Variants in SPATA33 observed in about 807,000 individuals in gnomAD.
SPATA33 encodes spermatogenesis associated 33.
Under a neutral mutation model 8.9 loss-of-function variants are expected in SPATA33, and 10 were observed. The observed-to-expected ratio is 1.12, with a 90% CI of 0.69 to 1.90. The LOEUF is 1.90. Ranked by LOEUF, SPATA33 falls within the 40% of genes most tolerant of loss-of-function variation. SPATA33 has a pLI of 0.00. For synonymous variants in SPATA33, 96 were observed against 72.8 expected, an observed-to-expected ratio of 1.32 and a Z score of -1.63; for missense variants, 241 against 178.3, an observed-to-expected ratio of 1.35 and a Z score of -2.00.
intron 2 of SPATA33, among the ~76,000 whole-genome samples, chr16:89,665,709 G>A (rs75450137): frequency 6.6e-6 from 1 of 152,180 alleles, no homozygotes; most frequent in Non-Finnish European, 1.5e-5. Context: ...GTTAACTTCT[G>A]TAAAATCAGT....
intron 2 of SPATA33, chr16:89,659,799 C>G (rs903026369): frequency 3.3e-5 from 5 of 152,298 alleles, no homozygotes; most frequent in African/African-American, 1.2e-4. Context: ...TTCACACTGA[C>G]ACGCTTGTAG....
intron 2 of SPATA33, chr16:89,658,690 C>G (rs988967712): frequency 5.9e-6 from 3 of 504,684 alleles, no homozygotes; most frequent in Non-Finnish European, 1.1e-5. Context: ...GTGCGTGTGT[C>G]TCACCTGAGG....
Position 89,658,384 on chromosome 16 carries a change from G to A in SPATA33, c.174G>A (p.Gly58=). The A allele has an allele frequency of 6.2e-7, 1 of 1,612,636 alleles. No individual in the cohort carries two copies. The highest frequency in any genetic ancestry group is 2.2e-5 in the East Asian group (1 of 44,874). The change falls in exon 2 of 3, where the codon GGG becomes GGA. Residue 58 remains glycine (G), a synonymous_variant. Transcript: ENST00000579310. ...KPVDSLHPGA[G]TAKHPPPAAS... is the part of the protein sequence containing the mutation. The stretch of plus-strand genomic sequence containing the variant: ...TGGACAGCCTCCACCCGGGGGCCGG[G>A]ACAGCCAAGCACCCGCCGCCGGCAG...
In SPATA33 at chr16:89,669,457, C is replaced by A. The variant is rs541395243; in HGVS notation, c.383C>A (p.Pro128His). 6.2e-7 allele frequency: 1 copy of A among 1,613,562 alleles called. No individual in the cohort carries two copies. Among genetic ancestry groups the A allele is most frequent in the African/African-American group, 1.3e-5 (1 of 74,908 alleles). ...DWGPYRRHRN[P>H]STADAYNSHL... The stretch of plus-strand genomic sequence containing the variant: ...GGCCCCTACCGGCGGCACAGGAACC[C>A]CAGTACAGCAGACGCCTATAATTCA... The change falls in exon 3 of 3, where the codon CCC becomes CAC. Residue 128 changes from proline (P) to histidine (H), a missense_variant. Transcript: ENST00000579310.
intron 2 of SPATA33, chr16:89,668,088 G>C (rs1235705961): frequency 6.6e-6 from 1 of 152,400 alleles, no homozygotes; most frequent in Non-Finnish European, 1.5e-5. Flanking sequence ...AAGGCAGGTA[G>C]ATCACCTGAG....
At chr16:89,666,592 C>T (rs912072728) in intron 2 of SPATA33, among the ~76,000 whole-genome samples, 9 of 152,028 alleles carry the variant, frequency 5.9e-5, no homozygotes, top group East Asian at 1.9e-4. Flanking sequence ...GATGAGAGAG[C>T]GTAGAAATAA....
rs562451847 is a variant in SPATA33, at chr16:89,666,669, C to T, written c.212-2617C>T. On this transcript the variant is annotated intron_variant, in intron 2 of 2. Transcript: ENST00000579310. ...ACCACTACCACCAAGCCGTGGAGAC[C>T]GGTAGTGGCCCCAAATGCCAGGCTG... 1.7e-3 allele frequency among the ~76,000 whole-genome samples: 253 copies of T among 152,198 alleles called. 1 individual carries two copies. Among genetic ancestry groups the T allele is most frequent in the African/African-American group, 5.9e-3 (243 of 41,532 alleles).
intron 2 of SPATA33, chr16:89,661,484 T>C (rs2059965910): frequency 6.6e-6 from 1 of 152,500 alleles, no homozygotes. Context: ...TGTAAGTCCA[T>C]TAAACCTTCT....
rs1597809937 is a variant in SPATA33, at chr16:89,669,593, C to G, written c.*96C>G. Reference sequence around the variant, plus strand: ...AGAAGCCGAGGCCCCTTCTCCAGTGCTCTCGGGGAGGTTGCACCAGGCCCA... The same window carrying G: ...AGAAGCCGAGGCCCCTTCTCCAGTGGTCTCGGGGAGGTTGCACCAGGCCCA... On this transcript the variant is annotated 3_prime_UTR_variant, in exon 3 of 3. Coordinates refer to ENST00000579310, the MANE Select transcript of SPATA33 (RefSeq NM_001271907.2). 7.7e-6 allele frequency: 10 copies of G among 1,292,134 alleles called. No homozygotes were observed. In the East Asian group the frequency reaches 2.5e-4, roughly 32 times the overall value. 80.0% of individuals were successfully genotyped at this position (1,292,134 alleles called of 1,614,324 possible). A position where few individuals can be genotyped will look rare whatever the true frequency, so the allele number is the denominator to read the frequency against.
chr16:89,657,970 G>A, intron 1 of SPATA33, 22 bp downstream of exon 1: 2 of 1,507,160 alleles, frequency 1.3e-6, no homozygotes, highest in Non-Finnish European at 1.8e-6. Flanking sequence ...GCAGGCGCTG[G>A]GCTCCCCGCG....
rs574133509 is a variant in SPATA33, at chr16:89,667,448, A to G, written c.212-1838A>G. 9.9e-5 allele frequency among the ~76,000 whole-genome samples: 15 copies of G among 152,180 alleles called. No individual in the cohort carries two copies. The South Asian group carries it at 3.1e-3, about 32-fold the overall frequency. On this transcript the variant is annotated intron_variant, in intron 2 of 2. Transcript: ENST00000579310. Reference sequence around the variant, plus strand: ...ATCTAGATCTAGTATAACTATTCTTATTTTATATATTTTATTACACTGGAA... The same window carrying G: ...ATCTAGATCTAGTATAACTATTCTTGTTTTATATATTTTATTACACTGGAA...
At position 89,669,359 on chromosome 16, in the gene SPATA33, G is replaced by T; in HGVS notation, c.285G>T (p.Ser95=). Residue 95 remains serine (S), a synonymous_variant, in exon 3 of 3, where the codon TCG becomes TCT. Coordinates refer to ENST00000579310, the MANE Select transcript of SPATA33 (RefSeq NM_001271907.2). ...CACAGATCATCATCACGCGAGCGTC[G>T]AATGAGACGCTAGTCAGTTGCAGTT... ...VVPQIIITRA[S]NETLVSCSSS... 6.2e-7 allele frequency: 1 copy of T among 1,614,132 alleles called. No homozygotes were observed. The highest frequency in any genetic ancestry group is 1.7e-5 in the Admixed American group (1 of 60,014).
chr16:89,662,868 A>G (rs1231341053), intron 2 of SPATA33, among the ~76,000 whole-genome samples: 2 of 152,106 alleles, frequency 1.3e-5, no homozygotes, highest in Admixed American at 6.5e-5. Context: ...ATCTTGGCTC[A>G]TTGTGACTTC....
chr16:89,668,398 A>C (rs1487112204), intron 2 of SPATA33, among the ~76,000 whole-genome samples: 1 of 152,258 alleles, frequency 6.6e-6, no homozygotes, highest in African/African-American at 2.4e-5. Context: ...TGAGCTACCA[A>C]GTGTCCCCAC....
chr16:89,660,902 T>C, intron 2 of SPATA33: 2 of 1,054,870 alleles, frequency 1.9e-6, no homozygotes, highest in Non-Finnish European at 2.3e-6. Flanking sequence ...AGGCTCTGGC[T>C]GGAACCTTGA....
At chr16:89,668,059 C>G (rs188881099) in intron 2 of SPATA33, 1 of 152,400 alleles carries the variant, frequency 6.6e-6, no homozygotes, top group Admixed American at 6.5e-5. Context: ...CGCCTGTAAT[C>G]CCAGCACTTT....
chr16:89,669,673 A>C lies in SPATA33; in HGVS notation c.*176A>C, dbSNP rs908040833. 1 of 632,612 alleles carries C rather than the reference A, an allele frequency of 1.6e-6. No individual in the cohort carries two copies. Among genetic ancestry groups the C allele is most frequent in the East Asian group, 2.8e-5 (1 of 35,684 alleles). The allele number at this position is 632,612 out of a possible 1,614,324, so 39.2% of individuals were successfully genotyped here. On this transcript the variant is annotated 3_prime_UTR_variant, in exon 3 of 3. Coordinates refer to ENST00000579310, the MANE Select transcript of SPATA33 (RefSeq NM_001271907.2). ...TCTCCAGTGCTTTCGGGGAGGGTGC[A>C]CCAGGCCCGCCCCACCTTGTGAGAA... is the stretch of plus-strand genomic sequence containing the variant.
At chr16:89,664,785 C>A (rs1358481858) in intron 2 of SPATA33, among the ~76,000 whole-genome samples, 1 of 152,180 alleles carries the variant, frequency 6.6e-6, no homozygotes, top group African/African-American at 2.4e-5. Flanking sequence ...CCAGAATGGG[C>A]TTAGAAGAGG....
chr16:89,665,052 G>A (rs1247958215), intron 2 of SPATA33, among the ~76,000 whole-genome samples: 1 of 150,436 alleles, frequency 6.6e-6, no homozygotes, highest in African/African-American at 2.4e-5. Flanking sequence ...CTGGAGTGCA[G>A]TGGCACCATC....
Sources: gnomAD v4.1 joint callset for allele counts (sites outside exome capture counted in the v4.1 genomes callset) on GRCh38, gnomAD v4.1.1 for gene constraint, MANE v1.5 for transcripts, NCBI Gene and HGNC (gene_info 2026-07-23, HGNC 2026-07-21) for gene names.